The following HEPH variants were observed in gnomAD, a reference collection of about 807,000 sequenced individuals.
HEPH encodes the protein hephaestin.
In HEPH, 69 loss-of-function variants were observed where a neutral mutation model predicts 80.8. The observed-to-expected ratio is 0.85, with a 90% CI of 0.70 to 1.04. The LOEUF is 1.04. HEPH is among the 50% of genes least tolerant of loss of function. The probability of loss-of-function intolerance (pLI) is 0.00; values close to 1 mark genes in which losing one functional copy is unlikely to be tolerated. For missense variants in HEPH, 1,115 were observed against 891.3 expected (o/e 1.25, Z -3.20); for synonymous variants, 431 against 322.8 (o/e 1.34, Z -3.60).
intron 15 of HEPH, among the ~76,000 whole-genome samples, chrX:66,250,348 A>G (rs1471002350): frequency 8.9e-6 from 1 of 111,836 alleles, no homozygotes; most frequent in Admixed American, 9.5e-5. Flanking sequence ...AAACTCTTCT[A>G]TAACACTTTA....
chrX:66,168,420 T>C (rs1354629811), intron 1 of HEPH, among the ~76,000 whole-genome samples: 1 of 111,911 alleles, frequency 8.9e-6, no homozygotes, highest in Non-Finnish European at 1.9e-5. Flanking sequence ...GATATTATTA[T>C]ACCCATTTTA....
intron 15 of HEPH, among the ~76,000 whole-genome samples, chrX:66,215,208 C>T (rs901912679): frequency 9.0e-6 from 1 of 111,181 alleles, no homozygotes; most frequent in Non-Finnish European, 1.9e-5. Context: ...GTTTTTCTTA[C>T]TACTTTTAAA....
chrX:66,230,852 A>ATG, intron 15 of HEPH, among the ~76,000 whole-genome samples: 2 of 98,175 alleles, frequency 2.0e-5, no homozygotes, highest in Non-Finnish European at 4.1e-5. Flanking sequence ...GTCCTTGCCC[A>ATG]TGCCTATGTC....
chrX:66,204,178 C>A (rs752700198), intron 13 of HEPH, among the ~76,000 whole-genome samples: 1 of 111,670 alleles, frequency 9.0e-6, no homozygotes, highest in Non-Finnish European at 1.9e-5. Flanking sequence ...AAGGACACAG[C>A]ATGGAAATTG....
In HEPH at chrX:66,263,510, G is replaced by T. The variant is rs1004819096; in HGVS notation, c.3200-134G>T. ...CAATATTGACTTGGACTATAAAGTA[G>T]TAAATTCTGCCTTTATTTTGCTTAC... On this transcript the variant is annotated intron_variant, in intron 19 of 20. Coordinates refer to ENST00000343002, the MANE Select transcript of HEPH (RefSeq NM_001367233.3). 6.6e-6 allele frequency: 4 copies of T among 606,421 alleles called. No homozygotes were observed. The African/African-American group carries it at 9.1e-5, about 14-fold the overall frequency. 50.0% of individuals were successfully genotyped at this position (606,421 alleles called of 1,213,427 possible).
At chrX:66,191,706 C>A (rs1457399015) in intron 6 of HEPH, among the ~76,000 whole-genome samples, 1 of 111,991 alleles carries the variant, frequency 8.9e-6, no homozygotes, top group African/African-American at 3.3e-5. Flanking sequence ...ATTTGATGCT[C>A]CTACCAGCCC....
chrX:66,242,923 ATTAGT>A (rs2090657938), intron 15 of HEPH, among the ~76,000 whole-genome samples: 1 of 112,031 alleles, frequency 8.9e-6, no homozygotes, highest in South Asian at 3.7e-4. Flanking sequence ...AGAAATGTAA[ATTAGT>A]TTAGTCACTG....
intron 15 of HEPH, among the ~76,000 whole-genome samples, chrX:66,215,677 G>T (rs978966656): frequency 1.3e-4 from 14 of 111,588 alleles, no homozygotes; most frequent in Admixed American, 4.7e-4. Context: ...AGCATGTGAA[G>T]ATCCATATCA....
At chrX:66,196,288 G>A (rs2088090515) in intron 9 of HEPH, among the ~76,000 whole-genome samples, 1 of 111,586 alleles carries the variant, frequency 9.0e-6, no homozygotes, top group Admixed American at 9.5e-5. Flanking sequence ...ATGTATGTGT[G>A]TGTAGATGTA....
At chrX:66,234,643 A>AT (rs372832153) in intron 15 of HEPH, among the ~76,000 whole-genome samples, 15,013 of 98,707 alleles carry the variant, frequency 0.15, 1,032 homozygotes, top group Non-Finnish European at 0.21. Context: ...TGTGGTTTTG[A>AT]TTTTTTTTTT....
At position 66,266,708 on chromosome X, in the gene HEPH, C is replaced by A; in HGVS notation, c.*36C>A. On this transcript the variant is annotated 3_prime_UTR_variant, in exon 21 of 21. Transcript: ENST00000343002. Reference sequence around the variant, plus strand: ...CTGGAGATATCCTCAGGAAGCACATCTGTAGTGCACTCCCAGCAGGCCATG... The same window carrying A: ...CTGGAGATATCCTCAGGAAGCACATATGTAGTGCACTCCCAGCAGGCCATG... 1 of 988,369 alleles carries A rather than the reference C, an allele frequency of 1.0e-6. No homozygotes were observed. The highest frequency in any genetic ancestry group is 1.9e-5 in the African/African-American group (1 of 53,464). 81.5% of individuals were successfully genotyped at this position (988,369 alleles called of 1,213,427 possible). A position where few individuals can be genotyped will look rare whatever the true frequency, so the allele number is the denominator to read the frequency against.
chrX:66,189,299 G>A (rs918980596), intron 5 of HEPH, among the ~76,000 whole-genome samples: 2 of 112,370 alleles, frequency 1.8e-5, no homozygotes, highest in Admixed American at 1.9e-4. Flanking sequence ...CAGCCAATTT[G>A]ACAATTGTCC....
intron 15 of HEPH, among the ~76,000 whole-genome samples, chrX:66,252,435 G>A (rs1314746874): frequency 9.0e-6 from 1 of 111,370 alleles, no homozygotes; most frequent in East Asian, 2.8e-4. Flanking sequence ...AGGTGAGCAT[G>A]TAGTTAGGTT....
downstream of HEPH, chrX:66,268,419 T>A (rs768873673): frequency 6.2e-5 from 7 of 112,076 alleles, no homozygotes; most frequent in Non-Finnish European, 1.1e-4. Flanking sequence ...TTACTGAGAA[T>A]CTCAGAAATA....
chrX:66,221,600 C>T (rs1238419208), intron 15 of HEPH, among the ~76,000 whole-genome samples: 2 of 112,698 alleles, frequency 1.8e-5, no homozygotes. Context: ...AGGCCACTGG[C>T]CTTGGCCAGG....
intron 20 of HEPH, among the ~76,000 whole-genome samples, chrX:66,266,111 G>T (rs1398745385): frequency 1.9e-5 from 2 of 107,078 alleles, no homozygotes; most frequent in African/African-American, 3.5e-5. Context: ...AAGCCATACA[G>T]AACAAGTCAA....
intron 15 of HEPH, among the ~76,000 whole-genome samples, chrX:66,241,217 C>A (rs978059615): frequency 1.8e-5 from 2 of 111,936 alleles, no homozygotes; most frequent in Non-Finnish European, 3.8e-5. Flanking sequence ...TAAATAAAAA[C>A]CAGCTAACAT....
intron 15 of HEPH, among the ~76,000 whole-genome samples, chrX:66,241,640 G>C (rs751389766): frequency 6.1e-4 from 68 of 111,549 alleles, no homozygotes; most frequent in Non-Finnish European, 8.9e-4. Flanking sequence ...AAGATACTTA[G>C]ATAACCAAAC....
At chrX:66,174,968 G>A (rs1352975648) in intron 4 of HEPH, among the ~76,000 whole-genome samples, 1 of 111,543 alleles carries the variant, frequency 9.0e-6, no homozygotes, top group Admixed American at 9.5e-5. Context: ...TCTATGGGTT[G>A]TCTGTTTACT....
Sources: gnomAD v4.1 joint callset for allele counts (sites outside exome capture counted in the v4.1 genomes callset) on GRCh38, gnomAD v4.1.1 for gene constraint, MANE v1.5 for transcripts, NCBI Gene and HGNC (gene_info 2026-07-23, HGNC 2026-07-21) for gene names.